The following DYNC2I1 variants were observed in gnomAD, a reference collection of about 807,000 sequenced individuals.
DYNC2I1 encodes the protein cytoplasmic dynein 2 intermediate chain 1.
Under a neutral mutation model 133.4 loss-of-function variants are expected in DYNC2I1, and 89 were observed. That is an observed-to-expected ratio of 0.67 (90% CI 0.56 to 0.80). DYNC2I1 has a LOEUF of 0.80. DYNC2I1 is among the 30% of genes least tolerant of loss of function. DYNC2I1 has a pLI of 0.00. For synonymous variants in DYNC2I1, 504 were observed against 484.3 expected (o/e 1.04, Z -0.54); for missense variants, 1,291 against 1,314.5 (o/e 0.98, Z 0.28).
At chr7:158,917,613 AAACACCTCCT>A (rs1274203944) in intron 14 of DYNC2I1, among the ~76,000 whole-genome samples, 6 of 136,290 alleles carry the variant, frequency 4.4e-5, no homozygotes, top group Admixed American at 2.1e-4. Context: ...ACCTCTCACT[AAACACCTCCT>A]GTCCTCCACA....
chr7:158,922,447 C>G lies in DYNC2I1; in HGVS notation c.1992C>G (p.Pro664=). 6.2e-7 allele frequency: 1 copy of G among 1,614,008 alleles called. No homozygotes were observed. The highest frequency in any genetic ancestry group is 8.5e-7 in the Non-Finnish European group (1 of 1,179,892). The change falls in exon 16 of 25, where the codon CCC becomes CCG. Residue 664 remains proline (P), a synonymous_variant. Coordinates refer to ENST00000407559, the MANE Select transcript of DYNC2I1 (RefSeq NM_018051.5). ...TGGTGGTCTCCGTTCACGACTTACC[C>G]GAGAAGAGCTTTGTGCCCCTGCTGG... ...RQMVVSVHDL[P]EKSFVPLLDS... is the part of the protein sequence containing the mutation.
intron 8 of DYNC2I1, among the ~76,000 whole-genome samples, chr7:158,892,128 G>A (rs899862543): frequency 6.6e-6 from 1 of 152,186 alleles, no homozygotes; most frequent in African/African-American, 2.4e-5. Flanking sequence ...ACCTGGCTGA[G>A]TGCCTGGCCC....
chr7:158,909,330 C>CAAAAAAAAAAAAAAAAAA (rs66565045), intron 11 of DYNC2I1, among the ~76,000 whole-genome samples: 1 of 46,728 alleles, frequency 2.1e-5, no homozygotes, highest in Non-Finnish European at 4.9e-5. Flanking sequence ...GACTCTGTCT[C>CAAAAAAAAAAAAAAAAAA]AAAAAAAAAA....
intron 3 of DYNC2I1, among the ~76,000 whole-genome samples, chr7:158,874,633 T>C (rs1843187839): frequency 6.6e-6 from 1 of 152,170 alleles, no homozygotes; most frequent in Non-Finnish European, 1.5e-5. Context: ...ACAAAGCCCA[T>C]CTGTGCAGTG....
intron 23 of DYNC2I1, among the ~76,000 whole-genome samples, chr7:158,934,884 T>TA (rs1304842484): frequency 1.3e-5 from 2 of 152,324 alleles, no homozygotes; most frequent in East Asian, 3.9e-4. Flanking sequence ...TTTTAAAAGT[T>TA]AATCATTTAC....
At chr7:158,896,201 T>G (rs1314171536) in intron 8 of DYNC2I1, among the ~76,000 whole-genome samples, 1 of 152,220 alleles carries the variant, frequency 6.6e-6, no homozygotes, top group Non-Finnish European at 1.5e-5. Context: ...GTTTCTCACT[T>G]AGGTATGATA....
At chr7:158,934,014 TG>T in intron 21 of DYNC2I1, 114 bp from the exon 22 acceptor site, 1 of 707,986 alleles carries the variant, frequency 1.4e-6, no homozygotes, top group Non-Finnish European at 2.3e-6. Flanking sequence ...CACAGAGGAA[TG>T]TGACATGGCC....
chr7:158,951,720 G>T (rs1852057205), intron 4 of DYNC2I1, among the ~76,000 whole-genome samples: 1 of 152,180 alleles, frequency 6.6e-6, no homozygotes, highest in Admixed American at 6.5e-5. Context: ...TCCCTCTGGG[G>T]CTCAGCTGGC....
chr7:158,869,078 C>T (rs1025200108), intron 1 of DYNC2I1, among the ~76,000 whole-genome samples: 1 of 152,174 alleles, frequency 6.6e-6, no homozygotes, highest in African/African-American at 2.4e-5. Context: ...TACCTGGGGC[C>T]TCGGCTGGGG....
At chr7:158,856,119 T>G (rs1282761625), upstream of DYNC2I1, among the ~76,000 whole-genome samples, 1 of 151,532 alleles carries the variant, frequency 6.6e-6, no homozygotes, top group Non-Finnish European at 1.5e-5. Context: ...TTTTTTTTTT[T>G]GTATTTTTAG....
chr7:158,929,435 CG>C (rs1341612007), intron 20 of DYNC2I1, among the ~76,000 whole-genome samples: 2 of 149,000 alleles, frequency 1.3e-5, no homozygotes, highest in African/African-American at 5.1e-5. Flanking sequence ...GGGGCCCAGT[CG>C]GAAAGGGCCT....
intron 5 of DYNC2I1, among the ~76,000 whole-genome samples, chr7:158,880,685 A>G (rs1404328754): frequency 6.6e-6 from 1 of 152,218 alleles, no homozygotes; most frequent in Admixed American, 6.5e-5. Flanking sequence ...AAAAAGCAAA[A>G]CAAGACAGAA....
At position 158,886,921 on chromosome 7, in the gene DYNC2I1, C is replaced by T. The variant is rs778209134; in HGVS notation, c.936-100C>T. On this transcript the variant is annotated intron_variant, in intron 6 of 24. Coordinates refer to ENST00000407559, the MANE Select transcript of DYNC2I1 (RefSeq NM_018051.5). ...TGGTTGTAGTAGTTCTTAATCATAT[C>T]AAAATATTGTTAAGAGCTTTCACTG... The T allele has an allele frequency of 2.5e-5, 28 of 1,135,462 alleles. No individual in the cohort carries two copies. The South Asian group carries it at 3.8e-4, about 15-fold the overall frequency. The allele number at this position is 1,135,462 out of a possible 1,614,324, so 70.3% of individuals were successfully genotyped here. A position where few individuals can be genotyped will look rare whatever the true frequency, so the allele number is the denominator to read the frequency against.
At position 158,941,778 on chromosome 7, in the gene DYNC2I1, C is replaced by T. The variant is rs565372845; in HGVS notation, c.2779-147C>T. The T allele has an allele frequency of 1.3e-4, 112 of 836,680 alleles. No homozygotes were observed. In the East Asian group the frequency reaches 2.6e-3, roughly 19 times the overall value. The allele number at this position is 836,680 out of a possible 1,614,324, so 51.8% of individuals were successfully genotyped here. On this transcript the variant is annotated intron_variant, in intron 23 of 24. Coordinates refer to ENST00000407559, the MANE Select transcript of DYNC2I1 (RefSeq NM_018051.5). ...GTGTAGTCTCAGCTACTCAGGAGGC[C>T]GAGGCAGGAGGATTGATTGAGCCCG...
At chr7:158,926,493 G>A (rs751699733) in intron 19 of DYNC2I1, 30 bp downstream of exon 19, 26 of 1,605,728 alleles carry the variant, frequency 1.6e-5, no homozygotes, top group Admixed American at 1.5e-4. Flanking sequence ...GGGCACATGC[G>A]GGGCCTGAGT....
intron 1 of DYNC2I1, among the ~76,000 whole-genome samples, chr7:158,861,015 G>GT (rs1483664579): frequency 6.6e-6 from 1 of 152,222 alleles, no homozygotes; most frequent in Non-Finnish European, 1.5e-5. Context: ...CTTGACGAAA[G>GT]TTTAACACTG....
chr7:158,857,593 A>C (rs778408592), intron 1 of DYNC2I1, among the ~76,000 whole-genome samples: 26 of 141,930 alleles, frequency 1.8e-4, no homozygotes, highest in Non-Finnish European at 3.0e-4. Flanking sequence ...GCTGGAATGC[A>C]ATGGCACGAA....
intron 1 of DYNC2I1, chr7:158,869,640 G>A (rs1437291766): frequency 1.8e-6 from 1 of 561,370 alleles, no homozygotes; most frequent in African/African-American, 1.9e-5. Flanking sequence ...AGTAGCCAAA[G>A]GAACACATTT....
chr7:158,850,582 C>T, the DYNC2I1 span, among the ~76,000 whole-genome samples: 6 of 152,216 alleles, frequency 3.9e-5, no homozygotes, highest in Non-Finnish European at 7.3e-5. Flanking sequence ...ACTGCCTGAG[C>T]CCACAGAATG....
Sources: allele counts gnomAD v4.1 joint callset (sites outside exome capture counted in the v4.1 genomes callset), GRCh38; gene constraint gnomAD v4.1.1; transcripts MANE v1.5; gene names NCBI Gene and HGNC (gene_info 2026-07-23, HGNC 2026-07-21).